Variants in NUBPL observed in about 807,000 individuals in gnomAD.
The protein encoded by NUBPL is NUBP iron-sulfur cluster assembly factor, mitochondrial, also known as iron-sulfur cluster transfer protein NUBPL.
In NUBPL, 31 loss-of-function variants were observed where a neutral mutation model predicts 45.7. The ratio of observed to expected loss-of-function variants is 0.68; its 90% CI spans 0.51 to 0.92. The LOEUF is 0.92. NUBPL is among the 40% of genes least tolerant of loss of function. The pLI is 0.00. For missense variants in NUBPL, 401 were observed against 398.7 expected (o/e 1.01, Z -0.05); for synonymous variants, 144 against 140.9 (o/e 1.02, Z -0.15).
intron 10 of NUBPL, among the ~76,000 whole-genome samples, chr14:31,853,446 TC>T (rs1427379957): frequency 1.3e-5 from 2 of 152,186 alleles, no homozygotes; most frequent in African/African-American, 4.8e-5. Context: ...CTTTTTGTCT[TC>T]CTTCTTACTC....
chr14:31,639,943 G>T (rs1003531317), intron 4 of NUBPL, among the ~76,000 whole-genome samples: 3 of 152,172 alleles, frequency 2.0e-5, no homozygotes, highest in Non-Finnish European at 4.4e-5. Context: ...TTGGAAAAGC[G>T]CAGTATTAGG....
At chr14:31,855,217 G>A (rs2040597777) in intron 10 of NUBPL, among the ~76,000 whole-genome samples, 1 of 152,170 alleles carries the variant, frequency 6.6e-6, no homozygotes, top group African/African-American at 2.4e-5. Context: ...GAGATAAAAG[G>A]TATTTATAAA....
intron 4 of NUBPL, among the ~76,000 whole-genome samples, chr14:31,663,470 T>A (rs1007429565): frequency 2.0e-5 from 3 of 152,220 alleles, no homozygotes; most frequent in African/African-American, 7.2e-5. Flanking sequence ...TAGCCAGTTT[T>A]CCCAACACTG....
intron 4 of NUBPL, among the ~76,000 whole-genome samples, chr14:31,621,890 G>C (rs2035073328): frequency 6.6e-6 from 1 of 152,194 alleles, no homozygotes; most frequent in Non-Finnish European, 1.5e-5. Flanking sequence ...TGGAGGTGAG[G>C]TTGGAACTGG....
chr14:31,701,096 G>T (rs1175065290), intron 6 of NUBPL, among the ~76,000 whole-genome samples: 2 of 151,840 alleles, frequency 1.3e-5, no homozygotes, highest in African/African-American at 4.8e-5. Context: ...TCTAGCTCGG[G>T]GTTTGTGGAT....
At chr14:31,696,853 C>T (rs2037225332) in intron 6 of NUBPL, among the ~76,000 whole-genome samples, 1 of 152,130 alleles carries the variant, frequency 6.6e-6, no homozygotes, top group South Asian at 2.1e-4. Flanking sequence ...CAACAGATTT[C>T]ATTTCTGATT....
chr14:31,758,588 A>G (rs2038727242), intron 6 of NUBPL, among the ~76,000 whole-genome samples: 1 of 152,190 alleles, frequency 6.6e-6, no homozygotes, highest in African/African-American at 2.4e-5. Flanking sequence ...TATATGTGAT[A>G]TGAAAATTGG....
intron 6 of NUBPL, among the ~76,000 whole-genome samples, chr14:31,709,218 C>T (rs1373709327): frequency 6.6e-6 from 1 of 152,100 alleles, no homozygotes; most frequent in South Asian, 2.1e-4. Context: ...ATCAATTGAC[C>T]CTCAAGTGAT....
intron 3 of NUBPL, among the ~76,000 whole-genome samples, chr14:31,594,228 G>A (rs1266212050): frequency 1.3e-5 from 2 of 152,024 alleles, no homozygotes; most frequent in Non-Finnish European, 2.9e-5. Flanking sequence ...GACCAGCTGG[G>A]GCAACGTGGT....
intron 6 of NUBPL, among the ~76,000 whole-genome samples, chr14:31,676,715 T>A (rs1211740087): frequency 6.6e-6 from 1 of 151,982 alleles, no homozygotes; most frequent in African/African-American, 2.4e-5. Flanking sequence ...TCATATTTTC[T>A]TTTGTGACGT....
intron 6 of NUBPL, among the ~76,000 whole-genome samples, chr14:31,761,543 T>G (rs892699490): frequency 2.6e-5 from 4 of 152,194 alleles, no homozygotes; most frequent in Non-Finnish European, 4.4e-5. Context: ...TTTCCCAGAC[T>G]TTTCCTAGGT....
intron 6 of NUBPL, among the ~76,000 whole-genome samples, chr14:31,694,747 C>T (rs1274567021): frequency 6.6e-6 from 1 of 152,150 alleles, no homozygotes; most frequent in Non-Finnish European, 1.5e-5. Flanking sequence ...AACTCCTGAC[C>T]TCATGATCTG....
At chr14:31,739,601 C>T (rs1246177276) in intron 6 of NUBPL, among the ~76,000 whole-genome samples, 6 of 152,178 alleles carry the variant, frequency 3.9e-5, no homozygotes, top group East Asian at 1.9e-4. Flanking sequence ...GCCTTTCCTA[C>T]GATCAGCATC....
chr14:31,561,576 CGGGCTGACAGATGCT>C, intron 1 of NUBPL, 29 bp downstream of exon 1: 1 of 1,306,770 alleles, frequency 7.7e-7, no homozygotes, highest in Non-Finnish European at 9.9e-7. Context: ...CAGGGGGAAG[CGGGCTGACAGATGCT>C]GGGCTGCAGG....
At chr14:31,598,435 G>A (rs1313292953) in intron 3 of NUBPL, among the ~76,000 whole-genome samples, 3 of 152,094 alleles carry the variant, frequency 2.0e-5, no homozygotes, top group East Asian at 1.9e-4. Flanking sequence ...AAGACATATC[G>A]TGTTAGGGTT....
At chr14:31,600,491 T>G (rs1472485892) in intron 4 of NUBPL, among the ~76,000 whole-genome samples, 1 of 152,188 alleles carries the variant, frequency 6.6e-6, no homozygotes, top group Non-Finnish European at 1.5e-5. Flanking sequence ...CACGCAGACC[T>G]GGGGAGAACA....
intron 4 of NUBPL, among the ~76,000 whole-genome samples, chr14:31,605,681 G>A (rs2034565886): frequency 2.0e-5 from 3 of 152,222 alleles, no homozygotes; most frequent in Admixed American, 6.5e-5. Context: ...AAACTACAAA[G>A]AAGGGACTGA....
At chr14:31,739,757 G>C (rs1240431457) in intron 6 of NUBPL, among the ~76,000 whole-genome samples, 1 of 152,088 alleles carries the variant, frequency 6.6e-6, no homozygotes, top group Non-Finnish European at 1.5e-5. Flanking sequence ...TATATCAACT[G>C]TAATAGTATC....
intron 6 of NUBPL, among the ~76,000 whole-genome samples, chr14:31,699,978 T>C (rs2037296049): frequency 6.6e-6 from 1 of 152,220 alleles, no homozygotes; most frequent in South Asian, 2.1e-4. Flanking sequence ...GTGATGAGTA[T>C]GTTAGTTGCT....
Sources: gnomAD v4.1 joint callset for allele counts (sites outside exome capture counted in the v4.1 genomes callset) on GRCh38, gnomAD v4.1.1 for gene constraint, MANE v1.5 for transcripts, NCBI Gene and HGNC (gene_info 2026-07-23, HGNC 2026-07-21) for gene names.